GPHN: variants seen among roughly 807,000 people sequenced by gnomAD.
GPHN encodes gephyrin.
Under a neutral mutation model 95.5 loss-of-function variants are expected in GPHN, and 17 were observed. That is an observed-to-expected ratio of 0.18 (90% CI 0.12 to 0.27). The LOEUF is 0.27. Among genes scored for constraint, GPHN ranks in the 10% least tolerant of loss-of-function variants. The probability of loss-of-function intolerance (pLI) is 1.00; values close to 1 mark genes in which losing one functional copy is unlikely to be tolerated. For synonymous variants in GPHN, 320 were observed against 322.5 expected (o/e 0.99, Z 0.08); for missense variants, 660 against 978.1 (o/e 0.67, Z 4.34).
intron 18 of GPHN, among the ~76,000 whole-genome samples, chr14:67,147,367 G>C (rs918999090): frequency 1.3e-5 from 2 of 152,314 alleles, no homozygotes; most frequent in South Asian, 4.2e-4. Context: ...GCAAGCACCA[G>C]AGTAAAACAG....
At chr14:66,906,657 G>A (rs2065394740) in intron 5 of GPHN, among the ~76,000 whole-genome samples, 1 of 152,160 alleles carries the variant, frequency 6.6e-6, no homozygotes, top group Admixed American at 6.6e-5. Flanking sequence ...GTTGAGAGGA[G>A]TGAAGTCAGC....
the GPHN span, chr14:67,397,696 A>T: frequency 6.2e-7 from 1 of 1,613,168 alleles, no homozygotes; most frequent in Non-Finnish European, 8.5e-7. Flanking sequence ...GGGGCAGGTG[A>T]TGGTGCAGCC....
At chr14:67,626,873 G>A in the GPHN span, among the ~76,000 whole-genome samples, 1 of 152,316 alleles carries the variant, frequency 6.6e-6, no homozygotes, top group East Asian at 1.9e-4. Flanking sequence ...CCATATAATG[G>A]AGTATTATTC....
At chr14:66,910,991 G>GT (rs1397549709) in intron 5 of GPHN, among the ~76,000 whole-genome samples, 1 of 151,950 alleles carries the variant, frequency 6.6e-6, no homozygotes, top group East Asian at 1.9e-4. Flanking sequence ...AGAAAACCAA[G>GT]TTGTATAAGA....
the GPHN span, among the ~76,000 whole-genome samples, chr14:67,604,725 A>C: frequency 4.5e-3 from 247 of 55,256 alleles, no homozygotes; most frequent in African/African-American, 5.5e-3. Flanking sequence ...ACAACAACAA[A>C]AAAAACTTTG....
intron 3 of GPHN, among the ~76,000 whole-genome samples, chr14:66,805,549 C>T (rs924493341): frequency 6.6e-6 from 1 of 152,198 alleles, no homozygotes; most frequent in Non-Finnish European, 1.5e-5. Context: ...TCAGAAGCAA[C>T]TTAGTTACTT....
the GPHN span, chr14:67,656,531 GC>G: frequency 1.2e-6 from 2 of 1,613,676 alleles, no homozygotes; most frequent in Non-Finnish European, 1.7e-6. Context: ...ACTTTGGGTG[GC>G]CCGGTTCAGG....
At chr14:66,799,603 A>G (rs2060273077) in intron 3 of GPHN, among the ~76,000 whole-genome samples, 2 of 151,842 alleles carry the variant, frequency 1.3e-5, no homozygotes, top group South Asian at 2.1e-4. Context: ...CTTGAAATCT[A>G]TTTTGTCTGA....
intron 8 of GPHN, among the ~76,000 whole-genome samples, chr14:66,964,529 T>C (rs568153007): frequency 6.6e-6 from 1 of 152,190 alleles, no homozygotes; most frequent in South Asian, 2.1e-4. Flanking sequence ...TTAGTAACAG[T>C]GGGAACCATT....
chr14:67,067,721 G>T (rs2076119403), intron 11 of GPHN, among the ~76,000 whole-genome samples: 1 of 152,220 alleles, frequency 6.6e-6, no homozygotes, highest in Non-Finnish European at 1.5e-5. Context: ...TGCTGTGCTA[G>T]CAGTGAGCAA....
the GPHN span, among the ~76,000 whole-genome samples, chr14:67,497,522 C>A: frequency 6.6e-6 from 1 of 152,118 alleles, no homozygotes. Flanking sequence ...ACGTGACCAA[C>A]AAAAGAACTC....
At chr14:67,229,508 C>T in the GPHN span, among the ~76,000 whole-genome samples, 1 of 152,152 alleles carries the variant, frequency 6.6e-6, no homozygotes, top group Non-Finnish European at 1.5e-5. Flanking sequence ...AATTTTAAAA[C>T]TAGAACAGTG....
At chr14:67,373,474 A>G in the GPHN span, among the ~76,000 whole-genome samples, 3 of 152,222 alleles carry the variant, frequency 2.0e-5, no homozygotes, top group Non-Finnish European at 2.9e-5. Context: ...AAGTCAGCAA[A>G]CAAGAACTAA....
At chr14:67,105,202 C>T (rs537452939) in intron 13 of GPHN, among the ~76,000 whole-genome samples, 86 of 151,818 alleles carry the variant, frequency 5.7e-4, no homozygotes, top group African/African-American at 1.8e-3. Flanking sequence ...GAAAAAAATT[C>T]GATATAATTT....
intron 4 of GPHN, among the ~76,000 whole-genome samples, chr14:66,826,331 A>T (rs1185183584): frequency 1.3e-5 from 2 of 152,114 alleles, no homozygotes; most frequent in Non-Finnish European, 2.9e-5. Context: ...CACACTTCTG[A>T]TGCTAAATGT....
the GPHN span, among the ~76,000 whole-genome samples, chr14:67,599,827 C>G: frequency 2.6e-5 from 4 of 152,214 alleles, no homozygotes; most frequent in Non-Finnish European, 4.4e-5. Flanking sequence ...TATCCAGGAG[C>G]ACACATTTCA....
At chr14:66,661,272 T>TG in intron 1 of GPHN, among the ~76,000 whole-genome samples, 1 of 152,126 alleles carries the variant, frequency 6.6e-6, no homozygotes, top group South Asian at 2.1e-4. Flanking sequence ...ACAGAGTTGC[T>TG]GGCGGGAGGG....
the GPHN span, chr14:67,587,101 A>G: frequency 6.2e-7 from 1 of 1,612,592 alleles, no homozygotes; most frequent in Non-Finnish European, 8.5e-7. Context: ...CATCATGGCC[A>G]GCTATATGAA....
chr14:67,436,169 T>C, the GPHN span, among the ~76,000 whole-genome samples: 2 of 152,100 alleles, frequency 1.3e-5, no homozygotes, highest in Admixed American at 6.5e-5. Context: ...CCAGTATCTG[T>C]GAATGTCACA....
Sources: allele counts gnomAD v4.1 joint callset (sites outside exome capture counted in the v4.1 genomes callset), GRCh38; gene constraint gnomAD v4.1.1; transcripts MANE v1.5; gene names NCBI Gene and HGNC (gene_info 2026-07-23, HGNC 2026-07-21).